The following N4BP2L2 variants were observed in gnomAD, a reference collection of about 807,000 sequenced individuals.
N4BP2L2 encodes NEDD4-binding protein 2-like 2.
In N4BP2L2, 50 loss-of-function variants were observed where a neutral mutation model predicts 56.2. The observed-to-expected ratio is 0.89, with a 90% CI of 0.71 to 1.13. The LOEUF (loss-of-function observed/expected upper bound fraction) is 1.13. N4BP2L2 is among the 50% of genes most tolerant of loss of function. The pLI, the probability that N4BP2L2 is intolerant of heterozygous loss-of-function variation, is 0.00. For missense variants in N4BP2L2, 689 were observed against 693.8 expected (o/e 0.99, Z 0.08); for synonymous variants, 203 against 223.6 (o/e 0.91, Z 0.82).
At chr13:32,463,144 T>C (rs954217273) in intron 6 of N4BP2L2, among the ~76,000 whole-genome samples, 2 of 152,094 alleles carry the variant, frequency 1.3e-5, no homozygotes, top group African/African-American at 4.8e-5. Context: ...ATGGAAATTC[T>C]AGAGTTGGAG....
At chr13:32,490,857 T>C (rs2086905892) in intron 6 of N4BP2L2, among the ~76,000 whole-genome samples, 3 of 152,156 alleles carry the variant, frequency 2.0e-5, no homozygotes, top group Admixed American at 2.0e-4. Context: ...TGCCCACCGC[T>C]CACCTCCTGC....
At chr13:32,438,492 G>C (rs1195896386) in intron 8 of N4BP2L2, among the ~76,000 whole-genome samples, 3 of 152,122 alleles carry the variant, frequency 2.0e-5, no homozygotes, top group Non-Finnish European at 4.4e-5. Context: ...CCAGCTACTA[G>C]GGAGGCTGAG....
At chr13:32,448,646 G>A (rs2077396285) in intron 6 of N4BP2L2, among the ~76,000 whole-genome samples, 1 of 152,086 alleles carries the variant, frequency 6.6e-6, no homozygotes, top group African/African-American at 2.4e-5. Context: ...AGGTGAGAGA[G>A]CATCCAGATA....
intron 6 of N4BP2L2, among the ~76,000 whole-genome samples, chr13:32,453,196 C>T (rs973130663): frequency 2.6e-5 from 4 of 152,182 alleles, no homozygotes; most frequent in African/African-American, 9.6e-5. Flanking sequence ...GCGGAGGTTG[C>T]AGTAAGCCCA....
exon 6 of N4BP2L2, chr13:32,512,266 C>T (rs1193772764): frequency 6.7e-6 from 1 of 149,450 alleles, no homozygotes; most frequent in African/African-American, 2.5e-5. Flanking sequence ...AGTTCAATTA[C>T]AAAAAAAAAG....
At chr13:32,529,008 A>G (rs2053883444) in intron 2 of N4BP2L2, among the ~76,000 whole-genome samples, 2 of 152,218 alleles carry the variant, frequency 1.3e-5, no homozygotes, top group African/African-American at 4.8e-5. Flanking sequence ...TGGATTATTT[A>G]TAATACCTAA....
intron 6 of N4BP2L2, among the ~76,000 whole-genome samples, chr13:32,453,081 A>G (rs2078362920): frequency 1.3e-5 from 2 of 152,150 alleles, no homozygotes. Context: ...CAACAAGGAG[A>G]AACCCTGTCT....
chr13:32,509,195 C>A (rs578209309), downstream of N4BP2L2: 1 of 152,226 alleles, frequency 6.6e-6, no homozygotes, highest in Admixed American at 6.5e-5. Context: ...AGGTTGAGCA[C>A]CCATAATCCA....
chr13:32,434,904 A>G (rs558433586), intron 9 of N4BP2L2, among the ~76,000 whole-genome samples: 212 of 152,354 alleles, frequency 1.4e-3, no homozygotes, highest in South Asian at 5.2e-3. Flanking sequence ...ATCATCATGA[A>G]AATCAAAATT....
At chr13:32,449,756 A>C (rs2077604278) in intron 6 of N4BP2L2, among the ~76,000 whole-genome samples, 1 of 152,200 alleles carries the variant, frequency 6.6e-6, no homozygotes, top group Admixed American at 6.5e-5. Context: ...CAATCTTATA[A>C]ATTTCACTGA....
At chr13:32,461,840 A>C (rs1337521495) in intron 6 of N4BP2L2, among the ~76,000 whole-genome samples, 3 of 152,186 alleles carry the variant, frequency 2.0e-5, no homozygotes, top group Non-Finnish European at 4.4e-5. Flanking sequence ...GGGCTCAAGC[A>C]ATCCTCCCAC....
rs551257321 is a variant in N4BP2L2, at chr13:32,456,959, G to A, written c.366-12833C>T. 4.6e-5 allele frequency among the ~76,000 whole-genome samples: 7 copies of A among 152,084 alleles called. No individual in the cohort carries two copies. The East Asian group carries it at 1.4e-3, about 29-fold the overall frequency. ...AAGACCAGCCTGGCCAAAGCATGGC[G>A]AAACCCTATCTCTACTAAAAATACA... is the stretch of plus-strand genomic sequence containing the variant. On this transcript the variant is annotated intron_variant, in intron 6 of 9. Coordinates refer to the N4BP2L2 transcript ENST00000357505.
rs556233157 is a variant in N4BP2L2, at chr13:32,458,225, C to T, written c.366-14099G>A. Reference sequence around the variant, plus strand: ...GACTACAGGCACCCGCCACCACACCCAGCTACTTTTTTGTATTTTTTAGTA... The same window carrying T: ...GACTACAGGCACCCGCCACCACACCTAGCTACTTTTTTGTATTTTTTAGTA... On this transcript the variant is annotated intron_variant, in intron 6 of 9. Coordinates refer to the N4BP2L2 transcript ENST00000357505. Among the ~76,000 whole-genome samples the T allele has an allele frequency of 1.7e-3, 265 of 152,236 alleles. 1 individual carries two copies. Among genetic ancestry groups the T allele is most frequent in the Non-Finnish European group, 3.0e-3 (207 of 68,026 alleles).
At chr13:32,466,314 C>A (rs1310289113) in intron 6 of N4BP2L2, among the ~76,000 whole-genome samples, 2 of 152,038 alleles carry the variant, frequency 1.3e-5, no homozygotes, top group Non-Finnish European at 2.9e-5. Context: ...CCCCTATAAT[C>A]CCAGGACTTT....
chr13:32,451,051 A>T (rs923551995), intron 6 of N4BP2L2, among the ~76,000 whole-genome samples: 1 of 152,102 alleles, frequency 6.6e-6, no homozygotes, highest in African/African-American at 2.4e-5. Flanking sequence ...TTGCATAAAC[A>T]TTCACATTAA....
intron 6 of N4BP2L2, among the ~76,000 whole-genome samples, chr13:32,475,834 T>C (rs988394259): frequency 3.3e-5 from 5 of 152,010 alleles, no homozygotes; most frequent in South Asian, 2.1e-4. Context: ...GCACATATAC[T>C]ACAATGAAAA....
At chr13:32,438,627 C>A in intron 8 of N4BP2L2, 3 of 1,096,280 alleles carry the variant, frequency 2.7e-6, no homozygotes, top group African/African-American at 3.2e-5. Context: ...AAAATACATA[C>A]ACACACACAC....
chr13:32,446,377 C>G (rs193282185), intron 6 of N4BP2L2: 958 of 1,365,516 alleles, frequency 7.0e-4, no homozygotes, highest in Non-Finnish European at 8.6e-4. Flanking sequence ...AGTGAAAGTC[C>G]TAGTTGCAGT....
chr13:32,444,123 T>C (rs200614001), exon 7 of N4BP2L2: 3 of 1,497,304 alleles, frequency 2.0e-6, no homozygotes, highest in Non-Finnish European at 2.7e-6. Flanking sequence ...TCAAAACTCT[T>C]TCTCTGAAAT....
Sources: gnomAD v4.1 joint callset for allele counts (sites outside exome capture counted in the v4.1 genomes callset) on GRCh38, gnomAD v4.1.1 for gene constraint, MANE v1.5 for transcripts, NCBI Gene and HGNC (gene_info 2026-07-23, HGNC 2026-07-21) for gene names.